The following PAPPA2 variants were observed in gnomAD, a reference collection of about 807,000 sequenced individuals.
PAPPA2 encodes pappalysin-2.
A neutral mutation model predicts 176.4 loss-of-function variants in PAPPA2; 86 were observed. The ratio of observed to expected loss-of-function variants is 0.49; its 90% CI spans 0.41 to 0.58. PAPPA2 has a LOEUF of 0.58. PAPPA2 is among the 20% of genes least tolerant of loss of function. The pLI, the probability that PAPPA2 is intolerant of heterozygous loss-of-function variation, is 0.00. For synonymous variants in PAPPA2, 809 were observed against 852.2 expected (o/e 0.95, Z 0.88); for missense variants, 2,073 against 2,256.9 (o/e 0.92, Z 1.65).
intron 3 of PAPPA2, among the ~76,000 whole-genome samples, chr1:176,623,633 TTCTTTC>T: frequency 1.7e-5 from 1 of 57,502 alleles, no homozygotes; most frequent in South Asian, 6.7e-4. Flanking sequence ...CTTTTTTACT[TTCTTTC>T]TTTCTTTCTT....
chr1:176,793,262 A>G (rs1665263598), intron 19 of PAPPA2, among the ~76,000 whole-genome samples: 2 of 152,154 alleles, frequency 1.3e-5, no homozygotes, highest in Admixed American at 1.3e-4. Context: ...TAATCTTTCA[A>G]TTACTACATC....
At chr1:176,744,149 AT>A (rs1208028774) in intron 14 of PAPPA2, among the ~76,000 whole-genome samples, 12 of 152,240 alleles carry the variant, frequency 7.9e-5, no homozygotes, top group African/African-American at 2.6e-4. Flanking sequence ...TAAGTATATA[AT>A]TTTTTGTGAG....
chr1:176,607,608 G>A (rs1270211934), intron 3 of PAPPA2, among the ~76,000 whole-genome samples: 1 of 152,104 alleles, frequency 6.6e-6, no homozygotes, highest in African/African-American at 2.4e-5. Flanking sequence ...GTCGTTCACT[G>A]ATAGACACTT....
intron 14 of PAPPA2, among the ~76,000 whole-genome samples, chr1:176,743,557 AAACCTCC>A (rs1662777764): frequency 6.6e-6 from 1 of 152,188 alleles, no homozygotes; most frequent in South Asian, 2.1e-4. Flanking sequence ...AGGATCAGGC[AAACCTCC>A]AACCATCCCA....
chr1:176,625,863 A>C (rs1228091576), intron 3 of PAPPA2, among the ~76,000 whole-genome samples: 4 of 151,958 alleles, frequency 2.6e-5, no homozygotes, highest in Non-Finnish European at 4.4e-5. Context: ...GTCTACAAAA[A>C]ATTTAAAAAA....
chr1:176,761,702 C>A (rs1441094542), intron 14 of PAPPA2, among the ~76,000 whole-genome samples: 1 of 152,176 alleles, frequency 6.6e-6, no homozygotes, highest in East Asian at 1.9e-4. Context: ...GTGGTCTAGG[C>A]TGGCCCTGAG....
At chr1:176,487,970 G>A (rs1553350026) in intron 1 of PAPPA2, among the ~76,000 whole-genome samples, 1 of 152,106 alleles carries the variant, frequency 6.6e-6, no homozygotes, top group African/African-American at 2.4e-5. Context: ...ATTTTAGGCA[G>A]GTAAGTAGAA....
At chr1:176,546,293 C>G (rs1465254280) in intron 1 of PAPPA2, among the ~76,000 whole-genome samples, 1 of 152,176 alleles carries the variant, frequency 6.6e-6, no homozygotes, top group East Asian at 1.9e-4. Flanking sequence ...ACTGCACTCT[C>G]TTTACCTGGG....
chr1:176,659,179 C>A (rs916723115), intron 3 of PAPPA2, among the ~76,000 whole-genome samples: 40 of 152,028 alleles, frequency 2.6e-4, no homozygotes, highest in African/African-American at 8.2e-4. Context: ...ATATTAGTTT[C>A]TTAGGGCCGC....
intron 3 of PAPPA2, among the ~76,000 whole-genome samples, chr1:176,666,362 C>G (rs1265665718): frequency 2.6e-5 from 4 of 151,738 alleles, no homozygotes; most frequent in African/African-American, 7.3e-5. Context: ...TAAAGTGGTA[C>G]AGACGAAAGC....
rs200764889 is a variant in PAPPA2, at chr1:176,594,642, C to T, written c.1038C>T (p.Arg346=). Residue 346 remains arginine (R), a synonymous_variant, in exon 3 of 23, where the codon CGC becomes CGT. Transcript: ENST00000367662. The part of the protein sequence containing the change: ...ARFFFSLCTD[R]VKKATILISH... ...TCTTCTTCTCCCTCTGCACCGACCGCGTGAAGAAAGCCACCATCTTGATTA... is the reference window on the plus strand; with the variant it reads ...TCTTCTTCTCCCTCTGCACCGACCGTGTGAAGAAAGCCACCATCTTGATTA... 2.6e-4 allele frequency: 414 copies of T among 1,614,182 alleles called. No homozygotes were observed. In the Middle Eastern group the frequency reaches 3.8e-3, roughly 15 times the overall value.
chr1:176,710,231 C>T (rs1661084054), intron 11 of PAPPA2, 55 bp downstream of exon 11: 3 of 1,485,372 alleles, frequency 2.0e-6, no homozygotes, highest in Middle Eastern at 1.8e-4. Context: ...AAAGTGACTC[C>T]CCCTATGCTT....
chr1:176,820,506 G>A lies in PAPPA2; in HGVS notation c.5203-19667G>A, dbSNP rs531503368. Among the ~76,000 whole-genome samples the A allele has an allele frequency of 1.3e-4, 20 of 152,282 alleles. 1 individual carries two copies. In the South Asian group the frequency reaches 4.1e-3, roughly 32 times the overall value. On this transcript the variant is annotated intron_variant, in intron 21 of 22. Coordinates refer to ENST00000367662, the MANE Select transcript of PAPPA2 (RefSeq NM_020318.3). ...ATCAGCCTTCCTGAAGCACACAGCC[G>A]GGGTGTTTCCTTACACATGCACATG...
chr1:176,555,000 TGAGAGAGA>T (rs59521055), intron 1 of PAPPA2, among the ~76,000 whole-genome samples: 37 of 145,668 alleles, frequency 2.5e-4, no homozygotes, highest in East Asian at 1.8e-3. Flanking sequence ...TGTGTGTGTG[TGAGAGAGA>T]GAGAGAGAGA....
intron 10 of PAPPA2, 24 bp from the exon 11 acceptor site, chr1:176,709,959 G>T: frequency 6.4e-7 from 1 of 1,569,618 alleles, no homozygotes; most frequent in Non-Finnish European, 8.7e-7. Flanking sequence ...CACTTTTTCT[G>T]TGTCACACAA....
At chr1:176,762,181 G>A (rs983429807) in intron 14 of PAPPA2, among the ~76,000 whole-genome samples, 2 of 151,192 alleles carry the variant, frequency 1.3e-5, no homozygotes, top group African/African-American at 4.9e-5. Flanking sequence ...GGAAATATAA[G>A]CTAGTGAAAG....
chr1:176,826,750 A>G (rs991977059), intron 21 of PAPPA2, among the ~76,000 whole-genome samples: 3 of 152,216 alleles, frequency 2.0e-5, no homozygotes, highest in African/African-American at 7.2e-5. Flanking sequence ...GGGGATGATA[A>G]AATAGTTATG....
intron 6 of PAPPA2, among the ~76,000 whole-genome samples, 172 bp downstream of exon 6, chr1:176,692,490 C>T (rs1445464388): frequency 6.6e-6 from 1 of 152,240 alleles, no homozygotes; most frequent in East Asian, 1.9e-4. Context: ...TAGCAGAACT[C>T]ATGGGCTCTC....
chr1:176,564,706 TTA>T (rs1397278877), intron 2 of PAPPA2, among the ~76,000 whole-genome samples: 1 of 150,610 alleles, frequency 6.6e-6, no homozygotes, highest in Non-Finnish European at 1.5e-5. Flanking sequence ...GAGTTTATAT[TTA>T]TTTCTTTCCT....
Sources: gnomAD v4.1 joint callset for allele counts (sites outside exome capture counted in the v4.1 genomes callset) on GRCh38, gnomAD v4.1.1 for gene constraint, MANE v1.5 for transcripts, NCBI Gene and HGNC (gene_info 2026-07-23, HGNC 2026-07-21) for gene names.